TRHDE: variants seen among roughly 807,000 people sequenced by gnomAD.
TRHDE encodes the protein thyrotropin-releasing hormone-degrading ectoenzyme.
TRHDE carries 72 observed loss-of-function variants against 125.7 expected under a neutral mutation model. The ratio of observed to expected loss-of-function variants is 0.57; its 90% CI spans 0.47 to 0.70. The LOEUF (loss-of-function observed/expected upper bound fraction) is 0.70, where lower values mean the gene tolerates loss of function less well. Among genes scored for constraint, TRHDE ranks in the 30% least tolerant of loss-of-function variants. TRHDE has a pLI of 0.00. For missense variants in TRHDE, 1,110 were observed against 1,327.1 expected (o/e 0.84, Z 2.54); for synonymous variants, 509 against 509.1 (o/e 1.00, Z 0.00).
chr12:72,566,281 CAT>C (rs1261311231), intron 9 of TRHDE, among the ~76,000 whole-genome samples: 3 of 151,398 alleles, frequency 2.0e-5, no homozygotes, highest in Non-Finnish European at 4.4e-5. Flanking sequence ...CAGAAACACA[CAT>C]AGAGTAGAGA....
At chr12:72,147,067 G>A (rs2139318255) in intron 2 of TRHDE, among the ~76,000 whole-genome samples, 1 of 151,954 alleles carries the variant, frequency 6.6e-6, no homozygotes, top group South Asian at 2.1e-4. Context: ...TTCCGCCATC[G>A]CTGGTGTGGT....
At chr12:72,306,718 A>G (rs1362085961) in intron 2 of TRHDE, 1 of 152,190 alleles carries the variant, frequency 6.6e-6, no homozygotes, top group Admixed American at 6.5e-5. Flanking sequence ...AGCTTCATGA[A>G]GCTTACATTG....
intron 12 of TRHDE, among the ~76,000 whole-genome samples, chr12:72,601,469 C>T (rs1401862200): frequency 2.0e-5 from 3 of 152,010 alleles, no homozygotes; most frequent in Non-Finnish European, 4.4e-5. Flanking sequence ...ATAAAACTTG[C>T]TTGATTAAGT....
At chr12:72,302,900 T>C (rs1868283386) in intron 2 of TRHDE, among the ~76,000 whole-genome samples, 1 of 152,188 alleles carries the variant, frequency 6.6e-6, no homozygotes, top group African/African-American at 2.4e-5. Flanking sequence ...TGTAGGATAT[T>C]TAGCAGCGTT....
chr12:72,524,904 A>G (rs149363005), intron 6 of TRHDE, among the ~76,000 whole-genome samples: 1 of 152,324 alleles, frequency 6.6e-6, no homozygotes, highest in Non-Finnish European at 1.5e-5. Flanking sequence ...CTGGGCACAC[A>G]TGAAGGGCAC....
At chr12:72,290,915 G>A (rs1880064703) in intron 2 of TRHDE, among the ~76,000 whole-genome samples, 1 of 152,210 alleles carries the variant, frequency 6.6e-6, no homozygotes, top group East Asian at 1.9e-4. Flanking sequence ...TTATAAGTGA[G>A]CACTAAGGAT....
chr12:72,366,305 T>C (rs1274185012), intron 2 of TRHDE, among the ~76,000 whole-genome samples: 1 of 152,152 alleles, frequency 6.6e-6, no homozygotes, highest in Non-Finnish European at 1.5e-5. Flanking sequence ...GTCCTGCCTG[T>C]TCCTGGAAGT....
intron 15 of TRHDE, among the ~76,000 whole-genome samples, chr12:72,629,924 T>C (rs73334830): frequency 2.4e-4 from 36 of 151,474 alleles, no homozygotes; most frequent in African/African-American, 8.7e-4. Context: ...AAAATGAAAA[T>C]AATTTATGTT....
At chr12:72,210,077 TA>T (rs1289656582) in intron 2 of TRHDE, among the ~76,000 whole-genome samples, 3 of 152,204 alleles carry the variant, frequency 2.0e-5, no homozygotes, top group Admixed American at 6.5e-5. Context: ...CAGTTAATTT[TA>T]AAACCTTAAC....
intron 2 of TRHDE, among the ~76,000 whole-genome samples, chr12:72,141,097 G>A (rs910190998): frequency 3.9e-5 from 6 of 151,934 alleles, no homozygotes; most frequent in African/African-American, 1.5e-4. Flanking sequence ...AATATTTGGG[G>A]CCTACTTATA....
chr12:72,249,098 G>C lies in TRHDE; in HGVS notation n.280-128897G>C, dbSNP rs114589555. On this transcript the variant is annotated intron_variant and non_coding_transcript_variant, in intron 2 of 4. Transcript: ENST00000548156. ...AAATGATGTAACTATAACACATCTAGACAAAAGCATAGGAGAAAATCTTCA... is the reference window on the plus strand; with the variant it reads ...AAATGATGTAACTATAACACATCTACACAAAAGCATAGGAGAAAATCTTCA... 9.9e-3 allele frequency among the ~76,000 whole-genome samples: 1,504 copies of C among 152,104 alleles called. 34 individuals carry two copies. The highest frequency in any genetic ancestry group is 0.035 in the African/African-American group (1,447 of 41,492).
At chr12:72,463,322 G>A (rs1295046746) in intron 3 of TRHDE, among the ~76,000 whole-genome samples, 1 of 152,160 alleles carries the variant, frequency 6.6e-6, no homozygotes, top group Admixed American at 6.5e-5. Context: ...GGGCATTCAG[G>A]TTCTGATCTT....
chr12:72,474,317 C>T (rs904800519), intron 5 of TRHDE, among the ~76,000 whole-genome samples: 2 of 152,078 alleles, frequency 1.3e-5, no homozygotes, highest in Admixed American at 6.6e-5. Flanking sequence ...AGGAAGTTTT[C>T]AGGTGTGTGA....
intron 2 of TRHDE, among the ~76,000 whole-genome samples, chr12:72,183,231 G>A (rs559763395): frequency 1.3e-5 from 2 of 152,124 alleles, no homozygotes; most frequent in East Asian, 1.9e-4. Context: ...TTATGTACCC[G>A]ATAATCTTGA....
chr12:72,344,001 ATT>A (rs1491379046), intron 2 of TRHDE, among the ~76,000 whole-genome samples: 2 of 151,626 alleles, frequency 1.3e-5, no homozygotes, highest in African/African-American at 4.8e-5. Context: ...ATATATATAT[ATT>A]ATTTTTCACT....
chr12:72,157,486 T>C (rs1876544124), intron 2 of TRHDE, among the ~76,000 whole-genome samples: 1 of 152,184 alleles, frequency 6.6e-6, no homozygotes, highest in African/African-American at 2.4e-5. Flanking sequence ...CTGGTGATAG[T>C]AGCAGAAGTG....
chr12:72,430,023 A>T (rs960397253), intron 3 of TRHDE, among the ~76,000 whole-genome samples: 3 of 151,640 alleles, frequency 2.0e-5, no homozygotes, highest in African/African-American at 7.3e-5. Flanking sequence ...ATGAAATATG[A>T]TTTAGCTATG....
intron 3 of TRHDE, among the ~76,000 whole-genome samples, chr12:72,420,255 C>G (rs1022705202): frequency 1.3e-5 from 2 of 152,134 alleles, no homozygotes; most frequent in Admixed American, 6.5e-5. Context: ...TCTAGGCAGT[C>G]CAGCCCTAAT....
intron 15 of TRHDE, among the ~76,000 whole-genome samples, chr12:72,641,403 A>G (rs1011960278): frequency 6.6e-6 from 1 of 152,234 alleles, no homozygotes; most frequent in African/African-American, 2.4e-5. Flanking sequence ...GAGTTTAAGA[A>G]AAGAAAGAGT....
Sources: gnomAD v4.1 joint callset for allele counts (sites outside exome capture counted in the v4.1 genomes callset) on GRCh38, gnomAD v4.1.1 for gene constraint, MANE v1.5 for transcripts, NCBI Gene and HGNC (gene_info 2026-07-23, HGNC 2026-07-21) for gene names.